AGAP1: variants seen among roughly 807,000 people sequenced by gnomAD.
AGAP1 encodes arf-GAP with GTPase, ANK repeat and PH domain-containing protein 1.
In AGAP1, 29 loss-of-function variants were observed where a neutral mutation model predicts 105.3. The observed-to-expected ratio is 0.28, with a 90% CI of 0.21 to 0.38. AGAP1 has a LOEUF of 0.38. Among genes scored for constraint, AGAP1 ranks in the 10% least tolerant of loss-of-function variants. The pLI, the probability that AGAP1 is intolerant of heterozygous loss-of-function variation, is 1.00. For missense variants in AGAP1, 998 were observed against 1,165.1 expected, an observed-to-expected ratio of 0.86 and a Z score of 2.09; for synonymous variants, 509 against 485.9, an observed-to-expected ratio of 1.05 and a Z score of -0.63.
At chr2:236,015,053 G>C (rs2056649792) in intron 13 of AGAP1, among the ~76,000 whole-genome samples, 1 of 152,086 alleles carries the variant, frequency 6.6e-6, no homozygotes, top group Non-Finnish European at 1.5e-5. Context: ...TTTTGTTTGT[G>C]TGTTTTATTT....
chr2:235,762,697 G>C (rs547681000), intron 6 of AGAP1, among the ~76,000 whole-genome samples: 21 of 152,096 alleles, frequency 1.4e-4, no homozygotes, highest in Non-Finnish European at 1.5e-4. Context: ...GCGAAACCCT[G>C]TCTCTACTGA....
Position 235,982,183 on chromosome 2 carries a change from G to C in AGAP1, c.1645+13560G>C, listed in dbSNP as rs908213294. Among the ~76,000 whole-genome samples the C allele has an allele frequency of 2.0e-5, 3 of 152,112 alleles. No individual in the cohort carries two copies. The highest frequency in any genetic ancestry group is 4.4e-5 in the Non-Finnish European group (3 of 68,030). ...TGGCATATATAATGATGATCTCTTC[G>C]CAGCCTGGTAATTTTACCTGGACAA... is the stretch of plus-strand genomic sequence containing the variant. On this transcript the variant is annotated intron_variant, in intron 13 of 17. Transcript: ENST00000304032. This position sits in a 1 kb window ranked among gnomAD's most constrained non-coding sequence, Gnocchi z 4.9.
At position 235,517,965 on chromosome 2, in the gene AGAP1, A is replaced by G. The variant is rs1364358701; in HGVS notation, c.163+23116A>G. ...AAAAAAAAGAAAAAAAAAAGGTAGA[A>G]CTCATAGTTGCCATTGAGGTCTGAG... On this transcript the variant is annotated intron_variant, in intron 1 of 17. Transcript: ENST00000304032. This position sits in a 1 kb window ranked among gnomAD's most constrained non-coding sequence, Gnocchi z 4.1. 6.9e-6 allele frequency among the ~76,000 whole-genome samples: 1 copy of G among 145,418 alleles called. No homozygotes were observed. Among genetic ancestry groups the G allele is most frequent in the Non-Finnish European group, 1.5e-5 (1 of 66,440 alleles).
intron 1 of AGAP1, among the ~76,000 whole-genome samples, chr2:235,604,074 A>AT (rs58547716): frequency 0.19 from 29,028 of 149,236 alleles, 3,207 homozygotes; most frequent in Middle Eastern, 0.27. Flanking sequence ...TTATTTGCTC[A>AT]TTTTTTTTTT....
Position 235,678,528 on chromosome 2 carries a change from G to A in AGAP1, c.164-30651G>A, listed in dbSNP as rs182171467. Among the ~76,000 whole-genome samples the A allele has an allele frequency of 3.6e-3, 550 of 152,294 alleles. 1 individual carries two copies. The highest frequency in any genetic ancestry group is 8.4e-3 in the Admixed American group (129 of 15,296). ...GGCACCCAGACTCGGGCTGGCGAGG[G>A]ATTGTTAGGACGGGGGCTGTGTGTG... On this transcript the variant is annotated intron_variant, in intron 1 of 17. Transcript: ENST00000304032.
intron 12 of AGAP1, among the ~76,000 whole-genome samples, chr2:235,943,362 A>ATTTTTTTT (rs562379887): frequency 0.057 from 7,179 of 126,874 alleles, 707 homozygotes; most frequent in African/African-American, 0.17. Context: ...AAAGGACTTA[A>ATTTTTTTT]TTTTTTTTTT....
At position 236,105,988 on chromosome 2, in the gene AGAP1, C is replaced by A. The variant is rs932714482; in HGVS notation, c.2115-14204C>A. Among the ~76,000 whole-genome samples the A allele has an allele frequency of 6.6e-6, 1 of 152,198 alleles. No homozygotes were observed. Among genetic ancestry groups the A allele is most frequent in the African/African-American group, 2.4e-5 (1 of 41,464 alleles). On this transcript the variant is annotated intron_variant, in intron 16 of 17. Transcript: ENST00000304032. This position sits in a 1 kb window ranked among gnomAD's most constrained non-coding sequence, Gnocchi z 4.2. ...ACCTCCCAGAGGTCCTGTCACCAAA[C>A]ACCATCACACAGGGGGTTAGGGCTT...
At chr2:236,071,978 ACT>A (rs1252329367) in intron 16 of AGAP1, among the ~76,000 whole-genome samples, 2 of 151,906 alleles carry the variant, frequency 1.3e-5, no homozygotes, top group Admixed American at 1.3e-4. Flanking sequence ...ACACCGGATG[ACT>A]CTCCTTCAAA....
rs1946244129 is a variant in AGAP1, at chr2:235,614,522, C to T, written c.164-94657C>T. Among the ~76,000 whole-genome samples the T allele has an allele frequency of 6.6e-6, 1 of 152,124 alleles. No homozygotes were observed. Among genetic ancestry groups the T allele is most frequent in the Admixed American group, 6.6e-5 (1 of 15,252 alleles). ...AACATGGCGAGGGGTGGGGGCTTTG[C>T]TCTTTAGCCCGTGAGCAGTGGAAAG... On this transcript the variant is annotated intron_variant, in intron 1 of 17. Coordinates refer to ENST00000304032, the MANE Select transcript of AGAP1 (RefSeq NM_001037131.3). This position sits in a 1 kb window ranked among gnomAD's most constrained non-coding sequence, Gnocchi z 4.7.
chr2:235,575,361 C>CTTAA (rs1944698632), intron 1 of AGAP1, among the ~76,000 whole-genome samples: 1 of 152,160 alleles, frequency 6.6e-6, no homozygotes, highest in African/African-American at 2.4e-5. Flanking sequence ...TTAGGATAAA[C>CTTAA]TTAAGATTTG....
rs2054146441 is a variant in AGAP1 at position 235,960,756 on chromosome 2, A to G, written c.1484-7706A>G. ...TATTCTCTGACAGCGGCCAGCTCCT[A>G]GGGCACGCTTGGTGCGTGGGGACAC... On this transcript the variant is annotated intron_variant, in intron 12 of 17. Transcript: ENST00000304032. The surrounding 1 kb of genome is among the most constrained non-coding windows in gnomAD (Gnocchi z 4.9). 6.6e-6 allele frequency among the ~76,000 whole-genome samples: 1 copy of G among 152,172 alleles called. No individual in the cohort carries two copies. Among genetic ancestry groups the G allele is most frequent in the African/African-American group, 2.4e-5 (1 of 41,444 alleles).
chr2:235,644,016 A>G (rs1559310138), intron 1 of AGAP1, among the ~76,000 whole-genome samples: 1 of 152,098 alleles, frequency 6.6e-6, no homozygotes, highest in Non-Finnish European at 1.5e-5. Context: ...GAGGCCTGGA[A>G]TGAGCAGAAA....
At chr2:235,647,309 CCCA>C (rs1947425168) in intron 1 of AGAP1, among the ~76,000 whole-genome samples, 1 of 72,620 alleles carries the variant, frequency 1.4e-5, no homozygotes, top group Non-Finnish European at 2.9e-5. Flanking sequence ...CTTGAGGGTA[CCCA>C]TGTAGCATGA....
In AGAP1 at chr2:235,900,209, A is replaced by G; in HGVS notation, c.1156-8529A>G. Reference sequence around the variant, plus strand: ...CCAATAAAGCATTTACTAAGTCAAGAATATTCCACACATACTCTTCCTTAC... The same window carrying G: ...CCAATAAAGCATTTACTAAGTCAAGGATATTCCACACATACTCTTCCTTAC... On this transcript the variant is annotated intron_variant, in intron 10 of 17. Coordinates refer to ENST00000304032, the MANE Select transcript of AGAP1 (RefSeq NM_001037131.3). The surrounding 1 kb of genome is among the most constrained non-coding windows in gnomAD (Gnocchi z 5.5). Among the ~76,000 whole-genome samples the G allele has an allele frequency of 6.6e-6, 1 of 152,190 alleles. No individual in the cohort carries two copies. The highest frequency in any genetic ancestry group is 1.9e-4 in the East Asian group (1 of 5,202).
In AGAP1 at chr2:235,893,998, C is replaced by T. The variant is rs2050678560; in HGVS notation, c.1155+10549C>T. Among the ~76,000 whole-genome samples, 1 of 152,050 alleles carries T rather than the reference C, an allele frequency of 6.6e-6. No homozygotes were observed. Among genetic ancestry groups the T allele is most frequent in the African/African-American group, 2.4e-5 (1 of 41,398 alleles). ...CACACACACACACACGTAATCACTGCCTCACGTGGCATTATTACAAATGCT... is the reference window on the plus strand; with the variant it reads ...CACACACACACACACGTAATCACTGTCTCACGTGGCATTATTACAAATGCT... On this transcript the variant is annotated intron_variant, in intron 10 of 17. Coordinates refer to ENST00000304032, the MANE Select transcript of AGAP1 (RefSeq NM_001037131.3). This position sits in a 1 kb window ranked among gnomAD's most constrained non-coding sequence, Gnocchi z 4.7.
chr2:235,728,692 T>A lies in AGAP1; in HGVS notation c.310+11048T>A, dbSNP rs568482394. Among the ~76,000 whole-genome samples the A allele has an allele frequency of 5.9e-3, 905 of 152,216 alleles. 11 individuals are homozygous for A. Among genetic ancestry groups the A allele is most frequent in the South Asian group, 0.032 (155 of 4,828 alleles). On this transcript the variant is annotated intron_variant, in intron 3 of 17. Transcript: ENST00000304032. This position sits in a 1 kb window ranked among gnomAD's most constrained non-coding sequence, Gnocchi z 4.3. Reference sequence around the variant, plus strand: ...CATTTCTTAATGTTGTATATTTTTTTAAAAATTAACACCACCATAAGCAAG... The same window carrying A: ...CATTTCTTAATGTTGTATATTTTTTAAAAAATTAACACCACCATAAGCAAG...
intron 1 of AGAP1, among the ~76,000 whole-genome samples, chr2:235,604,446 C>T (rs1326633904): frequency 6.7e-6 from 1 of 148,796 alleles, no homozygotes; most frequent in Non-Finnish European, 1.5e-5. Flanking sequence ...TGTGCCAGTG[C>T]ACTTCAGCCT....
At chr2:235,774,794 A>T (rs558599047) in intron 6 of AGAP1, among the ~76,000 whole-genome samples, 2 of 152,110 alleles carry the variant, frequency 1.3e-5, no homozygotes, top group Non-Finnish European at 2.9e-5. Flanking sequence ...TAACCTTTTT[A>T]TCTTGTGAAA....
chr2:236,062,792 G>A lies in AGAP1; in HGVS notation c.2114+13511G>A, dbSNP rs1343361512. Reference sequence around the variant, plus strand: ...ATTCTCTGCCTCAGCCTCCCAAGTAGCTGGGATTACAGGCTCCCGCCACCT... The same window carrying A: ...ATTCTCTGCCTCAGCCTCCCAAGTAACTGGGATTACAGGCTCCCGCCACCT... On this transcript the variant is annotated intron_variant, in intron 16 of 17. Transcript: ENST00000304032. The surrounding 1 kb of genome is among the most constrained non-coding windows in gnomAD (Gnocchi z 4.2). 6.6e-6 allele frequency among the ~76,000 whole-genome samples: 1 copy of A among 152,072 alleles called. No homozygotes were observed. The highest frequency in any genetic ancestry group is 1.9e-4 in the East Asian group (1 of 5,178).
Sources: allele counts gnomAD v4.1 joint callset (sites outside exome capture counted in the v4.1 genomes callset), GRCh38; gene constraint gnomAD v4.1.1; non-coding constraint Gnocchi (gnomAD v3.1); transcripts MANE v1.5; gene names NCBI Gene and HGNC (gene_info 2026-07-23, HGNC 2026-07-21).